NOX4: variants seen among roughly 807,000 people sequenced by gnomAD.
NOX4 encodes the protein kidney oxidase-1.
A neutral mutation model predicts 87.6 loss-of-function variants in NOX4; 69 were observed. That is an observed-to-expected ratio of 0.79 (90% CI 0.65 to 0.96). The LOEUF (loss-of-function observed/expected upper bound fraction) is 0.96, where lower values mean the gene tolerates loss of function less well. NOX4 is among the 40% of genes least tolerant of loss of function. NOX4 has a pLI of 0.00. For synonymous variants in NOX4, 275 were observed against 238.2 expected (o/e 1.15, Z -1.42); for missense variants, 680 against 681.5 (o/e 1.00, Z 0.02).
At chr11:89,484,041 G>C (rs1946493294) in intron 2 of NOX4, among the ~76,000 whole-genome samples, 1 of 152,074 alleles carries the variant, frequency 6.6e-6, no homozygotes, top group African/African-American at 2.4e-5. Context: ...CTATGGATGA[G>C]AGAATTAAAT....
At chr11:89,327,559 T>C (rs1440996309) in intron 17 of NOX4, among the ~76,000 whole-genome samples, 1 of 152,140 alleles carries the variant, frequency 6.6e-6, no homozygotes, top group Non-Finnish European at 1.5e-5. Flanking sequence ...ATAGACTAAA[T>C]AAATCCCAGG....
chr11:89,327,767 A>G (rs1945281566), intron 17 of NOX4, among the ~76,000 whole-genome samples: 1 of 152,148 alleles, frequency 6.6e-6, no homozygotes, highest in Non-Finnish European at 1.5e-5. Flanking sequence ...GTAAATACTG[A>G]AAAAAAGTTA....
the NOX4 span, among the ~76,000 whole-genome samples, chr11:89,534,799 A>G: frequency 1.3e-5 from 2 of 152,334 alleles, no homozygotes; most frequent in Admixed American, 1.3e-4. Context: ...TGCTTTGGCA[A>G]GCTTGGCTGT....
intron 5 of NOX4, among the ~76,000 whole-genome samples, chr11:89,441,179 A>C (rs1944437527): frequency 6.6e-6 from 1 of 152,214 alleles, no homozygotes. Context: ...AGTACGAAGA[A>C]GACTAATTGA....
chr11:89,418,860 A>G (rs565655359), intron 8 of NOX4, among the ~76,000 whole-genome samples: 1 of 152,140 alleles, frequency 6.6e-6, no homozygotes, highest in South Asian at 2.1e-4. Context: ...ATTCTATGAA[A>G]AAAATGACCT....
chr11:89,358,395 A>C, intron 12 of NOX4, among the ~76,000 whole-genome samples: 1 of 150,278 alleles, frequency 6.7e-6, no homozygotes, highest in East Asian at 1.9e-4. Flanking sequence ...TCAAAAAAAA[A>C]AAAAAAAAAA....
chr11:89,357,369 T>C (rs1392734742), intron 12 of NOX4, among the ~76,000 whole-genome samples: 1 of 152,174 alleles, frequency 6.6e-6, no homozygotes, highest in African/African-American at 2.4e-5. Context: ...GTTCACATTT[T>C]TAAATATTAT....
chr11:89,325,112 A>ACTTTTTTTTTT lies in NOX4; in HGVS notation c.*1643_*1644insAAAAAAAAAAG. ...ATCACTAAACTGTATGAATGCTTTA[A>ACTTTTTTTTTT]TTCTTTTTTTTTTTTTTTTTTTTTT... On this transcript the variant is annotated 3_prime_UTR_variant, in exon 18 of 18. Transcript: ENST00000263317. 1 of 71,244 alleles carries ACTTTTTTTTTT rather than the reference A, an allele frequency of 1.4e-5. No individual in the cohort carries two copies. The highest frequency in any genetic ancestry group is 3.1e-5 in the Non-Finnish European group (1 of 32,280). The allele number at this position is 71,244 out of a possible 1,614,324, so 4.4% of individuals were successfully genotyped here.
chr11:89,400,679 T>C (rs1941787297), intron 9 of NOX4, among the ~76,000 whole-genome samples: 1 of 151,842 alleles, frequency 6.6e-6, no homozygotes, highest in East Asian at 1.9e-4. Flanking sequence ...TACAGATATG[T>C]AATGTATATA....
chr11:89,462,849 G>A (rs568734035), intron 2 of NOX4, among the ~76,000 whole-genome samples: 1 of 151,564 alleles, frequency 6.6e-6, no homozygotes, highest in African/African-American at 2.4e-5. Flanking sequence ...TAAATATACA[G>A]GCAAAATAAA....
At position 89,329,142 on chromosome 11, in the gene NOX4, G is replaced by A. The variant is rs111550142; in HGVS notation, c.1617-2266C>T. On this transcript the variant is annotated intron_variant, in intron 17 of 17. Transcript: ENST00000263317. The stretch of plus-strand genomic sequence containing the variant: ...TCATTGAAGCAGTGATGATACACAG[G>A]CTTCATATATTTAAAGAAAAGCATA... Among the ~76,000 whole-genome samples, 74 of 151,714 alleles carry A rather than the reference G, an allele frequency of 4.9e-4. 1 individual carries two copies. The highest frequency in any genetic ancestry group is 1.7e-3 in the African/African-American group (71 of 41,386).
intron 11 of NOX4, among the ~76,000 whole-genome samples, chr11:89,389,768 G>A (rs941181598): frequency 2.0e-5 from 3 of 152,096 alleles, no homozygotes; most frequent in Non-Finnish European, 4.4e-5. Flanking sequence ...GAGAGACAGT[G>A]CAGAACAGTT....
intron 12 of NOX4, among the ~76,000 whole-genome samples, chr11:89,369,690 T>A (rs781684491): frequency 1.3e-5 from 2 of 152,106 alleles, no homozygotes; most frequent in Non-Finnish European, 2.9e-5. Flanking sequence ...TGTATGAATA[T>A]GAATTATGTA....
At chr11:89,428,729 C>T (rs560663201) in intron 7 of NOX4, among the ~76,000 whole-genome samples, 3 of 152,220 alleles carry the variant, frequency 2.0e-5, no homozygotes, top group South Asian at 2.1e-4. Context: ...TCCTTAGAGA[C>T]CTACAAAGAG....
the NOX4 span, among the ~76,000 whole-genome samples, chr11:89,522,157 C>T: frequency 6.6e-6 from 1 of 152,156 alleles, no homozygotes; most frequent in African/African-American, 2.4e-5. Context: ...CCATTTGACC[C>T]AGCAATCTCT....
At chr11:89,560,961 C>CTCT in the NOX4 span, among the ~76,000 whole-genome samples, 1 of 52,542 alleles carries the variant, frequency 1.9e-5, no homozygotes, top group African/African-American at 9.4e-5. Context: ...CATCTCATCT[C>CTCT]GTCTCTCTCT....
chr11:89,452,553 T>A (rs1945010127), intron 2 of NOX4, among the ~76,000 whole-genome samples: 1 of 152,092 alleles, frequency 6.6e-6, no homozygotes, highest in African/African-American at 2.4e-5. Flanking sequence ...TTTTAAAATT[T>A]TTATTTTATT....
chr11:89,429,385 C>A (rs574179151), intron 7 of NOX4, among the ~76,000 whole-genome samples: 1 of 152,052 alleles, frequency 6.6e-6, no homozygotes, highest in Admixed American at 6.6e-5. Flanking sequence ...GAGACAGAGA[C>A]ACAAAAAACC....
At chr11:89,434,514 G>A (rs1943981573) in intron 6 of NOX4, among the ~76,000 whole-genome samples, 1 of 151,902 alleles carries the variant, frequency 6.6e-6, no homozygotes, top group Admixed American at 6.6e-5. Context: ...AAGATAACTA[G>A]TCTAGTTCAC....
Sources: gnomAD v4.1 joint callset for allele counts (sites outside exome capture counted in the v4.1 genomes callset) on GRCh38, gnomAD v4.1.1 for gene constraint, MANE v1.5 for transcripts, NCBI Gene and HGNC (gene_info 2026-07-23, HGNC 2026-07-21) for gene names.